The following NCKAP5 variants were observed in gnomAD, a reference collection of about 807,000 sequenced individuals.
NCKAP5 encodes nck-associated protein 5.
A neutral mutation model predicts 167.0 loss-of-function variants in NCKAP5; 92 were observed. The ratio of observed to expected loss-of-function variants is 0.55; its 90% CI spans 0.47 to 0.66. The LOEUF (loss-of-function observed/expected upper bound fraction) is 0.66. NCKAP5 is among the 30% of genes least tolerant of loss of function. NCKAP5 has a pLI of 0.00. For missense variants in NCKAP5, 2,378 were observed against 2,315.0 expected (o/e 1.03, Z -0.56); for synonymous variants, 891 against 877.4 (o/e 1.02, Z -0.27).
intron 8 of NCKAP5, among the ~76,000 whole-genome samples, chr2:132,894,350 G>T (rs1214623207): frequency 6.6e-6 from 1 of 152,220 alleles, no homozygotes; most frequent in African/African-American, 2.4e-5. Flanking sequence ...CCGCCAGGGC[G>T]ATAAGGTCTT....
chr2:132,734,875 G>A (rs1691359012), intron 16 of NCKAP5, among the ~76,000 whole-genome samples: 1 of 152,230 alleles, frequency 6.6e-6, no homozygotes, highest in Non-Finnish European at 1.5e-5. Context: ...AGTGGGCTCT[G>A]CTCAGTTCAT....
chr2:132,781,079 G>A lies in NCKAP5; in HGVS notation c.5022C>T (p.Ala1674=), dbSNP rs745339417. The change falls in exon 15 of 20, where the codon GCC becomes GCT. Residue 1674 remains alanine (A), a synonymous_variant. Coordinates refer to ENST00000409261, the MANE Select transcript of NCKAP5 (RefSeq NM_207363.3). ...GNHKKNMKIK[A]DMEVPKDSLV... ...GGGAGTCTTTTGGTACTTCCATATC[G>A]GCTTTGATTTTCATGTTTTTCTTGT... 26 of 1,613,526 alleles carry A rather than the reference G, an allele frequency of 1.6e-5. No individual in the cohort carries two copies. Among genetic ancestry groups the A allele is most frequent in the Non-Finnish European group, 1.9e-5 (23 of 1,179,716 alleles).
At chr2:133,016,200 A>C (rs993353293) in intron 6 of NCKAP5, among the ~76,000 whole-genome samples, 1 of 152,230 alleles carries the variant, frequency 6.6e-6, no homozygotes, top group African/African-American at 2.4e-5. Flanking sequence ...AATCCGAGCT[A>C]CTGTCCGGTG....
intron 3 of NCKAP5, among the ~76,000 whole-genome samples, chr2:133,440,781 G>T (rs1574960265): frequency 1.3e-5 from 2 of 149,022 alleles, no homozygotes; most frequent in East Asian, 4.0e-4. Context: ...GGTGCTCATT[G>T]GCTTGGGGAT....
chr2:133,523,122 T>A (rs572589329), intron 2 of NCKAP5, among the ~76,000 whole-genome samples: 1 of 152,216 alleles, frequency 6.6e-6, no homozygotes, highest in East Asian at 1.9e-4. Flanking sequence ...TTTTTTCAAT[T>A]TTTTCTCACA....
the NCKAP5 span, among the ~76,000 whole-genome samples, chr2:133,580,616 G>A: frequency 6.6e-6 from 1 of 152,098 alleles, no homozygotes; most frequent in East Asian, 1.9e-4. Context: ...GGGAAGCCTC[G>A]TACTCACTTA....
At chr2:133,337,074 C>A (rs544427843) in intron 3 of NCKAP5, among the ~76,000 whole-genome samples, 7 of 152,292 alleles carry the variant, frequency 4.6e-5, no homozygotes, top group South Asian at 4.1e-4. Context: ...ATAGCTAGAA[C>A]TCAGGCCTCT....
At chr2:133,497,997 T>C (rs1363851856) in intron 3 of NCKAP5, among the ~76,000 whole-genome samples, 1 of 152,172 alleles carries the variant, frequency 6.6e-6, no homozygotes, top group Non-Finnish European at 1.5e-5. Context: ...TATTCAGATA[T>C]CCAACAAGCC....
chr2:132,925,147 G>A (rs1367691631), intron 8 of NCKAP5, among the ~76,000 whole-genome samples: 1 of 151,990 alleles, frequency 6.6e-6, no homozygotes, highest in Non-Finnish European at 1.5e-5. Context: ...GGTGGGGAAT[G>A]GTTTCAGGAT....
At chr2:133,323,476 G>A (rs924954788) in intron 3 of NCKAP5, among the ~76,000 whole-genome samples, 4 of 152,156 alleles carry the variant, frequency 2.6e-5, no homozygotes, top group South Asian at 4.1e-4. Context: ...CTTGGGTCAC[G>A]GTAATACTGA....
chr2:132,923,112 CAA>C (rs1052411558), intron 8 of NCKAP5, among the ~76,000 whole-genome samples: 42 of 152,120 alleles, frequency 2.8e-4, no homozygotes, highest in Non-Finnish European at 5.0e-4. Context: ...GGGCTTTCAG[CAA>C]AGTAATCTAC....
intron 6 of NCKAP5, among the ~76,000 whole-genome samples, chr2:133,022,642 C>CA (rs1477694279): frequency 6.6e-6 from 1 of 152,158 alleles, no homozygotes; most frequent in Non-Finnish European, 1.5e-5. Flanking sequence ...TTTCCAGAAT[C>CA]AATTACTCCC....
At chr2:132,995,014 T>C (rs1214507311) in intron 6 of NCKAP5, among the ~76,000 whole-genome samples, 2 of 152,108 alleles carry the variant, frequency 1.3e-5, no homozygotes, top group Non-Finnish European at 2.9e-5. Flanking sequence ...ATGGTGCACC[T>C]GTATAGGCCA....
chr2:133,207,712 C>T (rs573103712), intron 5 of NCKAP5, among the ~76,000 whole-genome samples: 1 of 152,118 alleles, frequency 6.6e-6, no homozygotes, highest in South Asian at 2.1e-4. Flanking sequence ...AGACCAAAAG[C>T]TAGGATAAAT....
chr2:132,799,953 C>T (rs1161027987), intron 11 of NCKAP5, among the ~76,000 whole-genome samples: 2 of 152,100 alleles, frequency 1.3e-5, no homozygotes, highest in Non-Finnish European at 2.9e-5. Flanking sequence ...GTTAATATCA[C>T]ACAACTTCCC....
intron 6 of NCKAP5, chr2:133,118,316 C>G (rs1033057180): frequency 6.7e-6 from 1 of 149,916 alleles, no homozygotes; most frequent in African/African-American, 2.5e-5. Flanking sequence ...TTAGTAGTAT[C>G]TGCAAAAAAA....
chr2:132,961,397 ATCT>A (rs1364080707), intron 8 of NCKAP5, among the ~76,000 whole-genome samples: 2 of 151,904 alleles, frequency 1.3e-5, no homozygotes, highest in South Asian at 2.1e-4. Context: ...AAATGAAATA[ATCT>A]TCTTATTACC....
intron 3 of NCKAP5, among the ~76,000 whole-genome samples, chr2:133,438,591 A>G (rs779668288): frequency 9.9e-5 from 15 of 152,220 alleles, no homozygotes; most frequent in Non-Finnish European, 2.1e-4. Flanking sequence ...TTGAAAAAGC[A>G]ATATAATTTG....
intron 5 of NCKAP5, among the ~76,000 whole-genome samples, chr2:133,180,847 G>A (rs1206172768): frequency 6.6e-6 from 1 of 152,064 alleles, no homozygotes; most frequent in South Asian, 2.1e-4. Context: ...GAACTGAAAA[G>A]CTTCTACACA....
Sources: gnomAD v4.1 joint callset for allele counts (sites outside exome capture counted in the v4.1 genomes callset) on GRCh38, gnomAD v4.1.1 for gene constraint, MANE v1.5 for transcripts, NCBI Gene and HGNC (gene_info 2026-07-23, HGNC 2026-07-21) for gene names.